Variants in PTPRD observed in about 807,000 individuals in gnomAD.
The protein encoded by PTPRD is protein tyrosine phosphatase receptor type D, also known as receptor-type tyrosine-protein phosphatase delta.
Under a neutral mutation model 214.5 loss-of-function variants are expected in PTPRD, and 34 were observed. That is an observed-to-expected ratio of 0.16 (90% CI 0.12 to 0.21). The LOEUF is 0.21. PTPRD is among the 10% of genes least tolerant of loss of function. The probability of loss-of-function intolerance (pLI) is 1.00; values close to 1 mark genes in which losing one functional copy is unlikely to be tolerated. For synonymous variants in PTPRD, 1,128 were observed against 845.7 expected (o/e 1.33, Z -5.79); for missense variants, 2,545 against 2,398.7 (o/e 1.06, Z -1.27).
At chr9:9,518,517 A>T (rs1188653015) in intron 8 of PTPRD, among the ~76,000 whole-genome samples, 1 of 152,112 alleles carries the variant, frequency 6.6e-6, no homozygotes, top group African/African-American at 2.4e-5. Context: ...AAGGCATAAT[A>T]GGGTAGGTCA....
At chr9:8,454,521 G>A in intron 33 of PTPRD, 1 of 1,588,822 alleles carries the variant, frequency 6.3e-7, no homozygotes, top group Non-Finnish European at 8.6e-7. Flanking sequence ...CAACTCTGAA[G>A]TCTACCAGTT....
intron 5 of PTPRD, among the ~76,000 whole-genome samples, chr9:9,863,779 G>A (rs964236499): frequency 8.6e-5 from 13 of 151,340 alleles, no homozygotes; most frequent in African/African-American, 3.2e-4. Flanking sequence ...ACTCTCTTTT[G>A]TCTGTGAACA....
chr9:10,523,625 ACAGAAAGAAAGG>A (rs1185340692), intron 2 of PTPRD, among the ~76,000 whole-genome samples: 14 of 117,702 alleles, frequency 1.2e-4, no homozygotes, highest in African/African-American at 3.4e-4. Context: ...ATATATATAG[ACAGAAAGAAAGG>A]GAGAGAGAGA....
At chr9:9,307,725 C>T (rs1483019006) in intron 9 of PTPRD, among the ~76,000 whole-genome samples, 1 of 152,168 alleles carries the variant, frequency 6.6e-6, no homozygotes, top group Non-Finnish European at 1.5e-5. Context: ...TTCAGTAACT[C>T]TGCATAACTT....
chr9:8,465,406 C>T, intron 32 of PTPRD, 60 bp downstream of exon 32: 1 of 1,481,478 alleles, frequency 6.8e-7, no homozygotes, highest in Middle Eastern at 1.8e-4. Context: ...CAAATAACCA[C>T]ATTCCAGTGA....
intron 14 of PTPRD, among the ~76,000 whole-genome samples, chr9:8,575,245 A>C (rs141095753): frequency 6.6e-6 from 1 of 152,130 alleles, no homozygotes; most frequent in East Asian, 1.9e-4. Context: ...TCATGAGAAA[A>C]GGAAAAAGGC....
chr9:10,153,315 A>T lies in PTPRD; in HGVS notation c.-544-119525T>A, dbSNP rs945703408. On this transcript the variant is annotated intron_variant, in intron 3 of 45. Coordinates refer to ENST00000381196, the MANE Select transcript of PTPRD (RefSeq NM_002839.4). Reference sequence around the variant, plus strand: ...CATTAAAAATAAATTAAATATTTTTAAAAATGTATTTTAAATAGCAGAAAT... The same window carrying T: ...CATTAAAAATAAATTAAATATTTTTTAAAATGTATTTTAAATAGCAGAAAT... 9.2e-5 allele frequency among the ~76,000 whole-genome samples: 14 copies of T among 151,812 alleles called. No homozygotes were observed. In the East Asian group the frequency reaches 1.9e-3, roughly 21 times the overall value.
At chr9:9,274,919 C>G (rs1321360559) in intron 9 of PTPRD, among the ~76,000 whole-genome samples, 2 of 146,728 alleles carry the variant, frequency 1.4e-5, no homozygotes, top group Admixed American at 7.1e-5. Flanking sequence ...ACATATCTTT[C>G]TTAGAGATTC....
intron 11 of PTPRD, among the ~76,000 whole-genome samples, chr9:8,873,972 A>G (rs1316856803): frequency 6.6e-6 from 1 of 152,222 alleles, no homozygotes; most frequent in Non-Finnish European, 1.5e-5. Context: ...AGTCTCTATC[A>G]TACTGGACAG....
intron 11 of PTPRD, among the ~76,000 whole-genome samples, chr9:8,997,948 ACCACAGC>A (rs1445696642): frequency 1.3e-5 from 2 of 152,076 alleles, no homozygotes; most frequent in African/African-American, 2.4e-5. Context: ...ACTAATCCAG[ACCACAGC>A]CCTAACTCTC....
chr9:8,900,659 T>A (rs1052092174), intron 11 of PTPRD, among the ~76,000 whole-genome samples: 6 of 152,178 alleles, frequency 3.9e-5, no homozygotes, highest in African/African-American at 1.2e-4. Flanking sequence ...AATGATAGTA[T>A]AGCAGTATGA....
intron 3 of PTPRD, among the ~76,000 whole-genome samples, chr9:10,107,121 ATAAATT>A (rs1367462058): frequency 6.6e-6 from 1 of 152,012 alleles, no homozygotes; most frequent in African/African-American, 2.4e-5. Flanking sequence ...GGAAGAACAT[ATAAATT>A]TACCTTTGAA....
chr9:9,843,010 T>G (rs2058697861), intron 5 of PTPRD, among the ~76,000 whole-genome samples: 2 of 152,154 alleles, frequency 1.3e-5, no homozygotes, highest in South Asian at 4.1e-4. Flanking sequence ...ACTATGGCCC[T>G]TGGACCAATT....
At chr9:8,697,178 A>G (rs2097930978) in intron 12 of PTPRD, among the ~76,000 whole-genome samples, 1 of 152,170 alleles carries the variant, frequency 6.6e-6, no homozygotes, top group Non-Finnish European at 1.5e-5. Context: ...TGGAAATAAA[A>G]GAATAAATCT....
chr9:9,347,080 T>A (rs912866693), intron 9 of PTPRD, among the ~76,000 whole-genome samples: 1 of 152,098 alleles, frequency 6.6e-6, no homozygotes, highest in Non-Finnish European at 1.5e-5. Flanking sequence ...TGCAGGAGCA[T>A]CACTTGAGCC....
chr9:10,343,647 T>A (rs182184523), intron 2 of PTPRD, among the ~76,000 whole-genome samples: 1 of 152,158 alleles, frequency 6.6e-6, no homozygotes, highest in Non-Finnish European at 1.5e-5. Context: ...TGTTGTTTCC[T>A]GACTTTTTAG....
Position 8,726,630 on chromosome 9 carries a change from T to A in PTPRD, c.64+7150A>T, listed in dbSNP as rs868410717. On this transcript the variant is annotated intron_variant, in intron 12 of 45. Coordinates refer to ENST00000381196, the MANE Select transcript of PTPRD (RefSeq NM_002839.4). The stretch of plus-strand genomic sequence containing the variant: ...ATATATATATATATATATATATATA[T>A]ATATATATATATATATATATGACAG... Among the ~76,000 whole-genome samples, 42 of 48,578 alleles carry A rather than the reference T, an allele frequency of 8.6e-4. 4 individuals are homozygous for A. In the South Asian group the frequency reaches 0.011, roughly 13 times the overall value. The allele number at this position is 48,578 out of a possible 152,430, so 31.9% of individuals were successfully genotyped here. A position where few individuals can be genotyped will look rare whatever the true frequency, so the allele number is the denominator to read the frequency against.
rs1948635967 is a variant in PTPRD at position 9,284,104 on chromosome 9, A to T, written c.-202-100741T>A. 2.6e-5 allele frequency among the ~76,000 whole-genome samples: 4 copies of T among 151,646 alleles called. No individual in the cohort carries two copies. In the Admixed American group the frequency reaches 2.6e-4, roughly 10 times the overall value. On this transcript the variant is annotated intron_variant, in intron 9 of 45. Coordinates refer to ENST00000381196, the MANE Select transcript of PTPRD (RefSeq NM_002839.4). ...ATTGGTGTTCTTAGCTATCCAAGTA[A>T]TGTTCAGGATTAGTCAGAGGAACTA...
chr9:9,489,244 A>G (rs887418247), intron 8 of PTPRD, among the ~76,000 whole-genome samples: 2 of 152,192 alleles, frequency 1.3e-5, no homozygotes, highest in Admixed American at 6.5e-5. Context: ...GACACAGCCT[A>G]TAACAATCAA....
Sources: gnomAD v4.1 joint callset for allele counts (sites outside exome capture counted in the v4.1 genomes callset) on GRCh38, gnomAD v4.1.1 for gene constraint, MANE v1.5 for transcripts, NCBI Gene and HGNC (gene_info 2026-07-23, HGNC 2026-07-21) for gene names.